SEC31B: variants seen among roughly 807,000 people sequenced by gnomAD.
SEC31B encodes the protein SEC31 homolog B, COPII component, also known as protein transport protein Sec31B.
A neutral mutation model predicts 135.0 loss-of-function variants in SEC31B; 113 were observed. That is an observed-to-expected ratio of 0.84 (90% confidence interval 0.72 to 0.98). The LOEUF is 0.98. Among genes scored for constraint, SEC31B ranks in the 50% least tolerant of loss-of-function variants. The pLI is 0.00. For missense variants in SEC31B, 1,296 were observed against 1,421.1 expected, an observed-to-expected ratio of 0.91 and a Z score of 1.42; for synonymous variants, 508 against 549.4, an observed-to-expected ratio of 0.92 and a Z score of 1.05.
At chr10:100,490,658 C>T in intron 20 of SEC31B, 48 bp downstream of exon 20, 2 of 1,494,648 alleles carry the variant, frequency 1.3e-6, no homozygotes, top group Non-Finnish European at 8.9e-7. Flanking sequence ...AATTGCTTTC[C>T]TGAGACCTCT....
At chr10:100,499,782 C>T (rs1419387700) in intron 11 of SEC31B, among the ~76,000 whole-genome samples, 184 bp from the exon 12 acceptor site, 1 of 152,192 alleles carries the variant, frequency 6.6e-6, no homozygotes, top group Non-Finnish European at 1.5e-5. Context: ...GGGCTATCAG[C>T]AGTGTTAACA....
At chr10:100,493,076 A>G (rs1437775990) in intron 19 of SEC31B, among the ~76,000 whole-genome samples, 1 of 152,208 alleles carries the variant, frequency 6.6e-6, no homozygotes. Flanking sequence ...TGAATGGCTA[A>G]AAAAATTAAA....
rs746055599 is a variant in SEC31B at position 100,506,103 on chromosome 10, C to T, written c.981G>A (p.Trp327Ter). 1 of 1,614,214 alleles carries T rather than the reference C, an allele frequency of 6.2e-7. No individual in the cohort carries two copies. ...TACCCATCACAGAGTACAAACTGAT[C>T]CAGCCGTTGAAGGAGGCAGCAGAGA... ...SVFSAASFNGWISLYSVMGRS... is the reference protein window; with the variant it reads ...SVFSAASFNG Residue 327 changes from tryptophan to a stop codon, truncating the protein, a stop_gained, in exon 9 of 26, where the codon TGG becomes TGA. Coordinates refer to ENST00000370345, the MANE Select transcript of SEC31B (RefSeq NM_015490.4). LOFTEE classifies it high-confidence loss of function.
Position 100,489,737 on chromosome 10 carries a change from G to A in SEC31B, c.2990C>T (p.Ala997Val), listed in dbSNP as rs1429992103. Residue 997 changes from alanine to valine, a missense_variant, in exon 22 of 26, where the codon GCC (alanine) becomes GTC (valine). By Grantham distance (64) the Ala-to-Val change is moderately conservative (BLOSUM62 0). Transcript: ENST00000370345. ...HPGPQDSWKE[A>V]PAPRGNLQRN... is the part of the protein sequence containing the mutation. ...CTGGAGGTTTCCCCTGGGGGCTGGG[G>A]CTTCTTTCCAGGAATCTTGAGGTCC... The A allele has an allele frequency of 6.2e-7, 1 of 1,614,000 alleles. No homozygotes were observed. The highest frequency in any genetic ancestry group is 8.5e-7 in the Non-Finnish European group (1 of 1,180,012).
Position 100,486,875 on chromosome 10 carries a change from C to T in SEC31B, c.*741G>A, listed in dbSNP as rs764183361. 10 of 152,192 alleles carry T rather than the reference C, an allele frequency of 6.6e-5. No homozygotes were observed. Among genetic ancestry groups the T allele is most frequent in the South Asian group, 4.1e-4 (2 of 4,830 alleles). The allele number at this position is 152,192 out of a possible 1,614,324, so 9.4% of individuals were successfully genotyped here. On this transcript the variant is annotated 3_prime_UTR_variant, in exon 26 of 26. Coordinates refer to ENST00000370345, the MANE Select transcript of SEC31B (RefSeq NM_015490.4). ...GAAGGAATGGCCTTGGGCTAAGGCT[C>T]CAACATAGGTGGAGTCAAGGGCAGT...
intron 11 of SEC31B, among the ~76,000 whole-genome samples, chr10:100,501,012 G>A (rs1851511178): frequency 6.6e-6 from 1 of 150,784 alleles, no homozygotes; most frequent in Non-Finnish European, 1.5e-5. Context: ...TTCGAGACTA[G>A]CCTGGCCAAC....
intron 13 of SEC31B, 37 bp from the exon 14 acceptor site, chr10:100,498,841 G>T: frequency 6.7e-7 from 1 of 1,481,820 alleles, no homozygotes; most frequent in Non-Finnish European, 9.4e-7. Flanking sequence ...ACTTAGGGAT[G>T]AACCCAAGAC....
intron 14 of SEC31B, 42 bp downstream of exon 14, chr10:100,498,663 G>T: frequency 1.4e-6 from 2 of 1,474,170 alleles, no homozygotes; most frequent in Non-Finnish European, 1.9e-6. Context: ...TGCCCACCTA[G>T]TCCTAAGCAG....
chr10:100,496,135 G>C, intron 18 of SEC31B, 123 bp downstream of exon 18: 7 of 1,035,970 alleles, frequency 6.8e-6, no homozygotes, highest in Non-Finnish European at 9.8e-6. Context: ...AGGTGCTTAA[G>C]GGATTCCATC....
At chr10:100,511,932 G>C (rs1274687902) in intron 3 of SEC31B, among the ~76,000 whole-genome samples, 2 of 152,196 alleles carry the variant, frequency 1.3e-5, no homozygotes, top group African/African-American at 4.8e-5. Flanking sequence ...GGGAAAAAAA[G>C]GTTCAGAGAA....
At chr10:100,497,557 T>C in intron 16 of SEC31B, 110 bp downstream of exon 16, 1 of 1,576,234 alleles carries the variant, frequency 6.3e-7, no homozygotes. Context: ...CTGACAACAT[T>C]GCCTCGCCTC....
At position 100,495,411 on chromosome 10, in the gene SEC31B, T is replaced by C. The variant is rs754194200; in HGVS notation, c.2446A>G (p.Arg816Gly). The C allele has an allele frequency of 6.2e-7, 1 of 1,613,946 alleles. No homozygotes were observed. The highest frequency in any genetic ancestry group is 1.3e-5 in the African/African-American group (1 of 75,030). The change falls in exon 19 of 26, where the codon AGA becomes GGA. Residue 816 changes from arginine (R) to glycine (G), a missense_variant. Coordinates refer to ENST00000370345, the MANE Select transcript of SEC31B (RefSeq NM_015490.4). ...TGGTGAGAAGGCTGGGATCCCAATC[T>C]GTAAGATGATGTCTCTTTAGAGTGG... ...TLHSKETSSY[R>G]LGSQPSHQVP...
intron 15 of SEC31B, 111 bp from the exon 16 acceptor site, chr10:100,497,904 G>A (rs945048446): frequency 6.3e-7 from 1 of 1,587,520 alleles, no homozygotes; most frequent in Non-Finnish European, 8.6e-7. Context: ...GGGATGAGGT[G>A]GGGGTGGTTA....
chr10:100,487,611 C>T lies in SEC31B; in HGVS notation c.*5G>A, dbSNP rs1851204429. On this transcript the variant is annotated 3_prime_UTR_variant, in exon 26 of 26. Coordinates refer to ENST00000370345, the MANE Select transcript of SEC31B (RefSeq NM_015490.4). ...GTGGCCTCCTAGCAAGAGAGGCTGC[C>T]TGGTTTAGACCAGCAGCTTATGAGC... 1 of 1,610,238 alleles carries T rather than the reference C, an allele frequency of 6.2e-7. No individual in the cohort carries two copies.
At chr10:100,505,723 C>A (rs973325043) in intron 9 of SEC31B, 1 of 1,412,038 alleles carries the variant, frequency 7.1e-7, no homozygotes, top group Non-Finnish European at 9.2e-7. Flanking sequence ...TGGAGTGTGG[C>A]ACAAAATGGA....
At position 100,488,027 on chromosome 10, in the gene SEC31B, T is replaced by C. The variant is rs1197855766; in HGVS notation, c.3360A>G (p.Thr1120=). The change falls in exon 25 of 26, where the codon ACA becomes ACG. Residue 1120 remains threonine, a splice_region_variant and synonymous_variant. Transcript: ENST00000370345. ...EYLYEKLCEG[T]LSPHVVAGLH... ...TGGGAGCACAGCTAGCTGTACTTACTGTCCCCTCACAGAGCTTCTCATATA... is the reference window on the plus strand; with the variant it reads ...TGGGAGCACAGCTAGCTGTACTTACCGTCCCCTCACAGAGCTTCTCATATA... 6.2e-7 allele frequency: 1 copy of C among 1,613,892 alleles called. No homozygotes were observed. Among genetic ancestry groups the C allele is most frequent in the Non-Finnish European group, 8.5e-7 (1 of 1,179,800 alleles).
At chr10:100,495,119 C>A in intron 19 of SEC31B, 1 of 405,360 alleles carries the variant, frequency 2.5e-6, no homozygotes, top group Non-Finnish European at 4.6e-6. Flanking sequence ...AGCCACCACG[C>A]CAGGCCTACT....
intron 11 of SEC31B, among the ~76,000 whole-genome samples, chr10:100,499,884 T>C (rs901523057): frequency 5.9e-5 from 9 of 152,238 alleles, no homozygotes; most frequent in Non-Finnish European, 1.0e-4. Context: ...AAATGTCAGC[T>C]GTTCCTAGGC....
intron 19 of SEC31B, 100 bp downstream of exon 19, chr10:100,495,285 G>A (rs1477196604): frequency 9.3e-7 from 1 of 1,076,788 alleles, no homozygotes; most frequent in Non-Finnish European, 1.4e-6. Context: ...TGGAAGTTGG[G>A]AATTTTCATC....
Sources: gnomAD v4.1 joint callset for allele counts (sites outside exome capture counted in the v4.1 genomes callset) on GRCh38, gnomAD v4.1.1 for gene constraint, MANE v1.5 for transcripts, NCBI Gene and HGNC (gene_info 2026-07-23, HGNC 2026-07-21) for gene names.